Variants in PCDHGA3 observed in about 807,000 individuals in gnomAD.
PCDHGA3 encodes protocadherin gamma-A3.
PCDHGA3 carries 40 observed loss-of-function variants against 58.5 expected under a neutral mutation model. The observed-to-expected ratio is 0.68, with a 90% CI of 0.53 to 0.89. The LOEUF (loss-of-function observed/expected upper bound fraction) is 0.89, where lower values mean the gene tolerates loss of function less well. Among genes scored for constraint, PCDHGA3 ranks in the 40% least tolerant of loss-of-function variants. The pLI, the probability that PCDHGA3 is intolerant of heterozygous loss-of-function variation, is 0.00. For missense variants in PCDHGA3, 1,223 were observed against 1,195.9 expected (o/e 1.02, Z -0.33); for synonymous variants, 530 against 525.7 (o/e 1.01, Z -0.11).
chr5:141,490,336 G>T lies in PCDHGA3; in HGVS notation c.2425-4471G>T. 2 of 1,614,224 alleles carry T rather than the reference G, an allele frequency of 1.2e-6. No individual in the cohort carries two copies. The highest frequency in any genetic ancestry group is 8.5e-7 in the Non-Finnish European group (1 of 1,180,040). ...CCCTGTCCTAGAGAGCACACCAGTGGGCACAGTAGTGGGGTTGTTTAATGT... is the reference window on the plus strand; with the variant it reads ...CCCTGTCCTAGAGAGCACACCAGTGTGCACAGTAGTGGGGTTGTTTAATGT... On this transcript the variant is annotated intron_variant, in intron 1 of 3. Transcript: ENST00000253812. This position sits in a 1 kb window ranked among gnomAD's most constrained non-coding sequence, Gnocchi z 5.4.
At chr5:141,421,206 G>A in intron 1 of PCDHGA3, 1 of 1,531,730 alleles carries the variant, frequency 6.5e-7, no homozygotes, top group Non-Finnish European at 8.8e-7. Context: ...AGAAACCGCG[G>A]AATATCGGCT....
In PCDHGA3 at chr5:141,365,803, G is replaced by A. The variant is rs138451800; in HGVS notation, c.2424+19346G>A. On this transcript the variant is annotated intron_variant, in intron 1 of 3. Coordinates refer to ENST00000253812, the MANE Select transcript of PCDHGA3 (RefSeq NM_018916.4). ...ACAACGCTCGAGTCACCTACTCCCT[G>A]GCTGAAGACACATTTCAGGGGGCGC... 8,384 of 1,613,862 alleles carry A rather than the reference G, an allele frequency of 5.2e-3. 46 individuals are homozygous for A. Among genetic ancestry groups the A allele is most frequent in the Admixed American group, 9.4e-3 (566 of 60,014 alleles).
rs1240258760 is a variant in PCDHGA3 at position 141,423,933 on chromosome 5, GAAGT to G, written c.2425-70869_2425-70866del. On this transcript the variant is annotated intron_variant, in intron 1 of 3. Coordinates refer to ENST00000253812, the MANE Select transcript of PCDHGA3 (RefSeq NM_018916.4). The stretch of plus-strand genomic sequence containing the variant: ...CCATTCAACTATGCTGGTTTGGTTT[GAAGT>G]AAGTTGAATTTTAGTATTATTTTTC... 5 of 1,226,500 alleles carry G rather than the reference GAAGT, an allele frequency of 4.1e-6. No homozygotes were observed. The African/African-American group carries it at 7.9e-5, about 19-fold the overall frequency. The allele number at this position is 1,226,500 out of a possible 1,614,324, so 76.0% of individuals were successfully genotyped here. A position where few individuals can be genotyped will look rare whatever the true frequency, so the allele number is the denominator to read the frequency against.
intron 1 of PCDHGA3, among the ~76,000 whole-genome samples, chr5:141,461,968 C>A (rs2099027589): frequency 6.6e-6 from 1 of 152,204 alleles, no homozygotes; most frequent in African/African-American, 2.4e-5. Context: ...GGATTCCAGG[C>A]ATATGCCACC....
chr5:141,352,443 G>A (rs1243553621), intron 1 of PCDHGA3: 1 of 1,613,910 alleles, frequency 6.2e-7, no homozygotes, highest in African/African-American at 1.3e-5. Context: ...ACCGGTCTCT[G>A]CTCCAAGTCT....
At position 141,398,657 on chromosome 5, in the gene PCDHGA3, G is replaced by A. The variant is rs776950213; in HGVS notation, c.2424+52200G>A. 3.1e-6 allele frequency: 5 copies of A among 1,614,018 alleles called. No individual in the cohort carries two copies. In the South Asian group the frequency reaches 5.5e-5, roughly 18 times the overall value. On this transcript the variant is annotated intron_variant, in intron 1 of 3. Transcript: ENST00000253812. ...AAGTATAAACTCTCTCTTAACCCAA[G>A]TTTCTCATTAATAATTAAGGAGAAA...
chr5:141,478,135 C>T (rs1307702473), intron 1 of PCDHGA3: 7 of 1,613,970 alleles, frequency 4.3e-6, no homozygotes, highest in African/African-American at 1.3e-5. Flanking sequence ...CTCCTGAAGC[C>T]CGAGCCGAGT....
chr5:141,345,177 G>A lies in PCDHGA3; in HGVS notation c.1144G>A (p.Val382Ile), dbSNP rs1323366540. 3.7e-6 allele frequency: 6 copies of A among 1,613,886 alleles called. No homozygotes were observed. The Admixed American group carries it at 6.7e-5, about 18-fold the overall frequency. The change falls in exon 1 of 4, where the codon GTT (valine) becomes ATT (isoleucine). Residue 382 changes from valine to isoleucine, a missense_variant. Transcript: ENST00000253812. ...CCGAGATTCTGGGCAGAATGGGCAG[G>A]TTGAAGTTTTTGTCCTGGGAAATCT... ...HDRDSGQNGQ[V>I]EVFVLGNLPF...
chr5:141,477,506 G>T lies in PCDHGA3; in HGVS notation c.2425-17301G>T, dbSNP rs766083208. 6.2e-7 allele frequency: 1 copy of T among 1,614,028 alleles called. No homozygotes were observed. The highest frequency in any genetic ancestry group is 8.5e-7 in the Non-Finnish European group (1 of 1,180,016). On this transcript the variant is annotated intron_variant, in intron 1 of 3. Coordinates refer to ENST00000253812, the MANE Select transcript of PCDHGA3 (RefSeq NM_018916.4). This position sits in a 1 kb window ranked among gnomAD's most constrained non-coding sequence, Gnocchi z 4.9. ...ACAATCTTCTCAATCTTCCTACGAC[G>T]TTTACATTGAAGAAAACAACCTCCC...
rs1433429634 is a variant in PCDHGA3 at position 141,486,311 on chromosome 5, G to T, written c.2425-8496G>T. 1.2e-6 allele frequency: 2 copies of T among 1,613,956 alleles called. No homozygotes were observed. Among genetic ancestry groups the T allele is most frequent in the African/African-American group, 2.7e-5 (2 of 74,892 alleles). On this transcript the variant is annotated intron_variant, in intron 1 of 3. Transcript: ENST00000253812. The surrounding 1 kb of genome is among the most constrained non-coding windows in gnomAD (Gnocchi z 5.0). The stretch of plus-strand genomic sequence containing the variant: ...TATCAGTGTGCAGGATCCAGACTCA[G>T]GGTCAAACGGAGATGTGAGCCTCCG...
At chr5:141,389,691 T>A in intron 1 of PCDHGA3, 1 of 1,612,564 alleles carries the variant, frequency 6.2e-7, no homozygotes, top group Non-Finnish European at 8.5e-7. Flanking sequence ...CGCCTGGCTG[T>A]CCTACCACGT....
At position 141,350,164 on chromosome 5, in the gene PCDHGA3, T is replaced by G. The variant is rs1588479597; in HGVS notation, c.2424+3707T>G. The G allele has an allele frequency of 2.1e-5, 24 of 1,151,208 alleles. No individual in the cohort carries two copies. The East Asian group carries it at 6.5e-4, about 31-fold the overall frequency. The allele number at this position is 1,151,208 out of a possible 1,614,324, so 71.3% of individuals were successfully genotyped here. A position where few individuals can be genotyped will look rare whatever the true frequency, so the allele number is the denominator to read the frequency against. On this transcript the variant is annotated intron_variant, in intron 1 of 3. Coordinates refer to ENST00000253812, the MANE Select transcript of PCDHGA3 (RefSeq NM_018916.4). ...TCCTGTTCACCCTCGAGCGCCTAAC[T>G]AATAAGTCCTAAGCTCAAATCACAG... is the stretch of plus-strand genomic sequence containing the variant.
At chr5:141,454,567 C>T (rs572130062) in intron 1 of PCDHGA3, among the ~76,000 whole-genome samples, 10 of 150,966 alleles carry the variant, frequency 6.6e-5, no homozygotes, top group South Asian at 2.1e-4. Context: ...CCACCACGCC[C>T]GGCTAATTTT....
chr5:141,364,280 G>A, intron 1 of PCDHGA3: 1 of 1,516,138 alleles, frequency 6.6e-7, no homozygotes, highest in African/African-American at 1.4e-5. Context: ...GATAAATAAG[G>A]AAACAGCAGG....
At chr5:141,422,515 AGCCCGC>A in intron 1 of PCDHGA3, 1 of 1,614,044 alleles carries the variant, frequency 6.2e-7, no homozygotes, top group Non-Finnish European at 8.5e-7. Flanking sequence ...AGACCAGGGA[AGCCCGC>A]CTTTGTCTGC....
intron 3 of PCDHGA3, chr5:141,507,285 C>T (rs80317708): frequency 2.7e-5 from 4 of 150,212 alleles, no homozygotes; most frequent in African/African-American, 7.4e-5. Flanking sequence ...ATAAGTCAGT[C>T]TCAAATGTTG....
chr5:141,440,527 T>G (rs1282939317), intron 1 of PCDHGA3: 3 of 152,222 alleles, frequency 2.0e-5, no homozygotes, highest in African/African-American at 7.2e-5. Context: ...TGAAGAATCA[T>G]GCACCACGGT....
chr5:141,387,929 A>C, intron 1 of PCDHGA3: 1 of 1,235,330 alleles, frequency 8.1e-7, no homozygotes, highest in Non-Finnish European at 1.1e-6. Flanking sequence ...AGAGGCTGCC[A>C]GTGCTCTTTC....
At chr5:141,349,206 G>A (rs1374082328) in intron 1 of PCDHGA3, among the ~76,000 whole-genome samples, 5 of 150,900 alleles carry the variant, frequency 3.3e-5, no homozygotes, top group East Asian at 3.9e-4. Context: ...AGTAGCTGGC[G>A]TTACAGGTAC....
Sources: allele counts gnomAD v4.1 joint callset (sites outside exome capture counted in the v4.1 genomes callset), GRCh38; gene constraint gnomAD v4.1.1; non-coding constraint Gnocchi (gnomAD v3.1); transcripts MANE v1.5; gene names NCBI Gene and HGNC (gene_info 2026-07-23, HGNC 2026-07-21).